The following NCOA7 variants were observed in gnomAD, a reference collection of about 807,000 sequenced individuals.
NCOA7 encodes the protein 140 kDa estrogen receptor-associated protein.
Under a neutral mutation model 104.3 loss-of-function variants are expected in NCOA7, and 45 were observed. The observed-to-expected ratio is 0.43, with a 90% CI of 0.34 to 0.55. NCOA7 has a LOEUF of 0.55. Ranked by LOEUF, NCOA7 falls within the 20% of genes least tolerant of loss-of-function variation. The pLI is 0.02. For missense variants in NCOA7, 1,041 were observed against 1,119.7 expected (o/e 0.93, Z 1.00); for synonymous variants, 398 against 402.3 (o/e 0.99, Z 0.13).
rs761786594 is a variant in NCOA7 at position 125,815,338 on chromosome 6, A to T, written c.-17A>T. 3.8e-6 allele frequency: 6 copies of T among 1,593,674 alleles called. No homozygotes were observed. Among genetic ancestry groups the T allele is most frequent in the South Asian group, 2.3e-5 (2 of 86,478 alleles). On this transcript the variant is annotated 5_prime_UTR_variant, in exon 2 of 16. Coordinates refer to ENST00000392477, the MANE Select transcript of NCOA7 (RefSeq NM_181782.5). ...AGAGGGACTTTTTCAAATACTTTGC[A>T]CTTTTGATTGTGTATTATGGATACC... is the stretch of plus-strand genomic sequence containing the variant.
chr6:125,896,001 A>G (rs983882233), intron 10 of NCOA7, among the ~76,000 whole-genome samples: 49 of 147,844 alleles, frequency 3.3e-4, no homozygotes, highest in African/African-American at 1.1e-3. Flanking sequence ...CTGTGTGTGT[A>G]TATATATATA....
chr6:125,824,252 C>G (rs1172034672), intron 2 of NCOA7, among the ~76,000 whole-genome samples: 1 of 152,172 alleles, frequency 6.6e-6, no homozygotes, highest in Non-Finnish European at 1.5e-5. Flanking sequence ...AAATCCCAGA[C>G]TGATTGGTCA....
intron 3 of NCOA7, among the ~76,000 whole-genome samples, chr6:125,867,318 A>G (rs756467586): frequency 6.6e-6 from 1 of 152,194 alleles, no homozygotes; most frequent in East Asian, 1.9e-4. Context: ...AAAACTTTTC[A>G]TCTGTTGCTT....
chr6:125,882,332 G>C, intron 6 of NCOA7, 94 bp from the exon 7 acceptor site: 1 of 1,265,812 alleles, frequency 7.9e-7, no homozygotes, highest in South Asian at 1.4e-5. Flanking sequence ...AATAGAAATA[G>C]TATACTCACA....
chr6:125,843,433 A>G, intron 2 of NCOA7, among the ~76,000 whole-genome samples: 1 of 152,184 alleles, frequency 6.6e-6, no homozygotes, highest in Non-Finnish European at 1.5e-5. Context: ...AGTGTGTGGT[A>G]ATTTGGTACA....
chr6:125,868,470 G>A (rs141214517), intron 3 of NCOA7, among the ~76,000 whole-genome samples: 1 of 152,162 alleles, frequency 6.6e-6, no homozygotes, highest in African/African-American at 2.4e-5. Flanking sequence ...CTAAACCGTT[G>A]CACAAAGATT....
At chr6:125,839,537 C>A (rs631081) in intron 2 of NCOA7, among the ~76,000 whole-genome samples, 1 of 152,054 alleles carries the variant, frequency 6.6e-6, no homozygotes, top group Non-Finnish European at 1.5e-5. Flanking sequence ...GGCTAGACCC[C>A]ATCTAGAAGC....
rs529010590 is a variant in NCOA7 at position 125,909,011 on chromosome 6, T to G, written c.2097-6322T>G. On this transcript the variant is annotated intron_variant, in intron 10 of 15. Coordinates refer to ENST00000392477, the MANE Select transcript of NCOA7 (RefSeq NM_181782.5). ...CAGCATTCTCAGAACATTTCCTTTTTCACTCGGTGTCTATGATTGTCCAAA... is the reference window on the plus strand; with the variant it reads ...CAGCATTCTCAGAACATTTCCTTTTGCACTCGGTGTCTATGATTGTCCAAA... Among the ~76,000 whole-genome samples, 7 of 152,372 alleles carry G rather than the reference T, an allele frequency of 4.6e-5. No homozygotes were observed. In the South Asian group the frequency reaches 8.3e-4, roughly 18 times the overall value.
intron 6 of NCOA7, 96 bp downstream of exon 6, chr6:125,881,299 A>G: frequency 1.1e-6 from 1 of 893,246 alleles, no homozygotes; most frequent in Non-Finnish European, 1.8e-6. Flanking sequence ...TACATCTGAA[A>G]TTCTCCCTAG....
At chr6:125,878,728 A>C (rs541034281) in intron 5 of NCOA7, among the ~76,000 whole-genome samples, 19 of 152,116 alleles carry the variant, frequency 1.2e-4, no homozygotes, top group Non-Finnish European at 1.8e-4. Context: ...CATGCTTAAA[A>C]TTTTTTTCCA....
chr6:125,875,857 A>C (rs1055536265), intron 4 of NCOA7, among the ~76,000 whole-genome samples: 15 of 152,134 alleles, frequency 9.9e-5, no homozygotes, highest in Non-Finnish European at 1.6e-4. Context: ...ATTGTTGAGC[A>C]GTAGATGAAC....
intron 2 of NCOA7, among the ~76,000 whole-genome samples, chr6:125,844,643 G>A (rs1213535050): frequency 6.6e-6 from 1 of 152,190 alleles, no homozygotes; most frequent in Non-Finnish European, 1.5e-5. Context: ...AGTTCAAAGA[G>A]TGATGTTCTT....
At chr6:125,786,106 TTAAATAA>T (rs1394707219), upstream of NCOA7, 2 of 152,188 alleles carry the variant, frequency 1.3e-5, no homozygotes, top group Non-Finnish European at 2.9e-5. Flanking sequence ...TTAAATACTA[TTAAATAA>T]TAAACTCTCT....
At chr6:125,905,253 A>AT (rs375646356) in intron 10 of NCOA7, among the ~76,000 whole-genome samples, 32,515 of 131,582 alleles carry the variant, frequency 0.25, 4,299 homozygotes, top group African/African-American at 0.32. Context: ...AAGGAATAAG[A>AT]TTTTTTTTTT....
chr6:125,919,233 G>A, intron 11 of NCOA7: 1 of 1,592,336 alleles, frequency 6.3e-7, no homozygotes, highest in South Asian at 1.1e-5. Context: ...CAATCATGCA[G>A]GAAACTAGAT....
chr6:125,914,945 T>C (rs1786922869), intron 10 of NCOA7, among the ~76,000 whole-genome samples: 1 of 152,232 alleles, frequency 6.6e-6, no homozygotes, highest in Non-Finnish European at 1.5e-5. Context: ...CGTTGTAGTA[T>C]TGTTTATCTT....
chr6:125,912,883 A>C (rs1786712189), intron 10 of NCOA7, among the ~76,000 whole-genome samples: 1 of 152,198 alleles, frequency 6.6e-6, no homozygotes, highest in African/African-American at 2.4e-5. Flanking sequence ...TAAAGTGGTC[A>C]CCTATGGGGC....
At chr6:125,810,604 T>C (rs1045738118) in intron 1 of NCOA7, among the ~76,000 whole-genome samples, 6 of 152,224 alleles carry the variant, frequency 3.9e-5, no homozygotes, top group African/African-American at 1.4e-4. Flanking sequence ...AAGCCCATTA[T>C]GACCACTTAT....
chr6:125,886,952 A>G (rs2128654757), intron 8 of NCOA7, among the ~76,000 whole-genome samples: 1 of 152,354 alleles, frequency 6.6e-6, no homozygotes, highest in South Asian at 2.1e-4. Flanking sequence ...CACAGTGAGT[A>G]AGAAGGTAAC....
Sources: allele counts gnomAD v4.1 joint callset (sites outside exome capture counted in the v4.1 genomes callset), GRCh38; gene constraint gnomAD v4.1.1; transcripts MANE v1.5; gene names NCBI Gene and HGNC (gene_info 2026-07-23, HGNC 2026-07-21).